Variants in CAMK2B observed in about 807,000 individuals in gnomAD.
The protein encoded by CAMK2B is calcium/calmodulin dependent protein kinase II beta, also known as calcium/calmodulin-dependent protein kinase type II subunit beta.
In CAMK2B, 27 loss-of-function variants were observed where a neutral mutation model predicts 93.7. The observed-to-expected ratio is 0.29, with a 90% CI of 0.21 to 0.40. The LOEUF (loss-of-function observed/expected upper bound fraction) is 0.40. Among genes scored for constraint, CAMK2B ranks in the 10% least tolerant of loss-of-function variants. The pLI is 1.00. For synonymous variants in CAMK2B, 374 were observed against 358.8 expected (o/e 1.04, Z -0.48); for missense variants, 568 against 895.8 (o/e 0.63, Z 4.67).
intron 6 of CAMK2B, among the ~76,000 whole-genome samples, chr7:44,246,615 A>G (rs921794180): frequency 6.6e-6 from 1 of 151,718 alleles, no homozygotes; most frequent in Non-Finnish European, 1.5e-5. Context: ...ACATGCACAC[A>G]GGCACACAGA....
At chr7:44,237,487 C>T (rs923954499) in intron 13 of CAMK2B, among the ~76,000 whole-genome samples, 1 of 152,368 alleles carries the variant, frequency 6.6e-6, no homozygotes, top group East Asian at 1.9e-4. Flanking sequence ...CCCAAACATC[C>T]TTCCTTGTGA....
chr7:44,220,435 C>T, intron 22 of CAMK2B, 141 bp from the exon 23 acceptor site: 1 of 861,388 alleles, frequency 1.2e-6, no homozygotes, highest in East Asian at 2.7e-5. Context: ...AGCATGGGCC[C>T]CTCCAAGAGT....
intron 1 of CAMK2B, among the ~76,000 whole-genome samples, chr7:44,307,033 G>GGA (rs1791937312): frequency 2.2e-5 from 3 of 137,702 alleles, no homozygotes; most frequent in Non-Finnish European, 3.2e-5. Context: ...GGTGTGAGCA[G>GGA]GGAGAGGAGG....
chr7:44,291,945 C>T (rs1453304416), intron 1 of CAMK2B, among the ~76,000 whole-genome samples: 4 of 152,206 alleles, frequency 2.6e-5, no homozygotes, highest in East Asian at 1.9e-4. Context: ...GCTTCGGAGC[C>T]CAACAAGAGC....
chr7:44,255,268 G>C (rs1021808412), intron 4 of CAMK2B, among the ~76,000 whole-genome samples: 1 of 152,178 alleles, frequency 6.6e-6, no homozygotes, highest in African/African-American at 2.4e-5. Flanking sequence ...CCAGTGAGTA[G>C]TCATTGGGCC....
At chr7:44,279,999 C>T (rs12702075) in intron 2 of CAMK2B, among the ~76,000 whole-genome samples, 45,275 of 152,072 alleles carry the variant, frequency 0.3, 7,722 homozygotes, top group Non-Finnish European at 0.39. Flanking sequence ...CAGCACACAG[C>T]GTCGTAGCTG....
intron 13 of CAMK2B, among the ~76,000 whole-genome samples, chr7:44,234,899 T>G (rs564986110): frequency 3.6e-4 from 55 of 152,314 alleles, no homozygotes; most frequent in Non-Finnish European, 6.5e-4. Context: ...CTGGGGCTCC[T>G]GCAAGCATCC....
chr7:44,221,294 T>C (rs1016252164), intron 20 of CAMK2B, among the ~76,000 whole-genome samples: 2 of 152,158 alleles, frequency 1.3e-5, no homozygotes, highest in Non-Finnish European at 2.9e-5. Context: ...CCACCAGGCC[T>C]GGCCCTGCGC....
chr7:44,262,967 T>TG, intron 3 of CAMK2B, 38 bp downstream of exon 3: 1 of 1,581,536 alleles, frequency 6.3e-7, no homozygotes, highest in Non-Finnish European at 8.7e-7. Flanking sequence ...CGGGAGAAGG[T>TG]GGGGACCCAT....
intron 20 of CAMK2B, 32 bp from the exon 21 acceptor site, chr7:44,220,933 G>A: frequency 6.5e-7 from 1 of 1,539,396 alleles, no homozygotes; most frequent in Non-Finnish European, 8.8e-7. Context: ...TGACCACTGG[G>A]CGCTGGCCCA....
intron 1 of CAMK2B, among the ~76,000 whole-genome samples, chr7:44,308,292 T>C (rs1792481953): frequency 6.6e-6 from 1 of 152,218 alleles, no homozygotes. Context: ...CAAGCTGAGC[T>C]GTGGGATGAA....
intron 3 of CAMK2B, 83 bp from the exon 4 acceptor site, chr7:44,259,009 C>T (rs2096857227): frequency 1.6e-6 from 2 of 1,253,026 alleles, no homozygotes; most frequent in East Asian, 2.4e-5. Context: ...CCAGGCACAC[C>T]ACCAGCGGTG....
intron 3 of CAMK2B, 39 bp from the exon 4 acceptor site, chr7:44,258,965 C>T (rs770954192): frequency 6.4e-7 from 1 of 1,557,262 alleles, no homozygotes; most frequent in African/African-American, 1.4e-5. Flanking sequence ...TGGCAATAGC[C>T]CAGGACACAC....
intron 2 of CAMK2B, among the ~76,000 whole-genome samples, chr7:44,265,576 T>C (rs956093067): frequency 1.3e-5 from 2 of 152,230 alleles, no homozygotes; most frequent in African/African-American, 4.8e-5. Context: ...AGGAGAAAGA[T>C]GCAATTATGA....
intron 4 of CAMK2B, among the ~76,000 whole-genome samples, chr7:44,258,385 T>G (rs138619344): frequency 3.1e-4 from 47 of 152,270 alleles, no homozygotes; most frequent in African/African-American, 1.1e-3. Context: ...GACCCTGATT[T>G]CATGTGCTCA....
At chr7:44,309,239 C>T (rs1163848142) in intron 1 of CAMK2B, among the ~76,000 whole-genome samples, 1 of 152,222 alleles carries the variant, frequency 6.6e-6, no homozygotes, top group African/African-American at 2.4e-5. Context: ...AGGGGCAGTT[C>T]ACAGCTGCCC....
Position 44,224,744 on chromosome 7 carries a change from C to T in CAMK2B, c.1597+1772G>A, listed in dbSNP as rs560500521. The stretch of plus-strand genomic sequence containing the variant: ...GGATCAGGCTGGATTGTGTATAATC[C>T]GCGATTAGAGAGCGTGGGTGGGGAG... On this transcript the variant is annotated intron_variant, in intron 20 of 23. Coordinates refer to ENST00000395749, the MANE Select transcript of CAMK2B (RefSeq NM_001220.5). This position sits in a 1 kb window ranked among gnomAD's most constrained non-coding sequence, Gnocchi z 4.4. Among the ~76,000 whole-genome samples, 30 of 152,194 alleles carry T rather than the reference C, an allele frequency of 2.0e-4. 1 individual carries two copies. The South Asian group carries it at 3.7e-3, about 19-fold the overall frequency.
At chr7:44,244,091 C>T (rs1445026449) in intron 6 of CAMK2B, among the ~76,000 whole-genome samples, 2 of 152,184 alleles carry the variant, frequency 1.3e-5, no homozygotes, top group Non-Finnish European at 2.9e-5. Context: ...ACGCCCAGGG[C>T]CCTCAGCACT....
At chr7:44,255,874 T>C (rs767218266) in intron 4 of CAMK2B, among the ~76,000 whole-genome samples, 3 of 152,196 alleles carry the variant, frequency 2.0e-5, no homozygotes, top group Non-Finnish European at 4.4e-5. Context: ...GATGATCCCA[T>C]TGAATCCCCT....
Sources: allele counts gnomAD v4.1 joint callset (sites outside exome capture counted in the v4.1 genomes callset), GRCh38; gene constraint gnomAD v4.1.1; non-coding constraint Gnocchi (gnomAD v3.1); transcripts MANE v1.5; gene names NCBI Gene and HGNC (gene_info 2026-07-23, HGNC 2026-07-21).